IREB2: variants seen among roughly 807,000 people sequenced by gnomAD.
The protein encoded by IREB2 is iron-responsive element-binding protein 2.
A neutral mutation model predicts 118.8 loss-of-function variants in IREB2; 39 were observed. That is an observed-to-expected ratio of 0.33 (90% CI 0.25 to 0.43). IREB2 has a LOEUF of 0.43. Among genes scored for constraint, IREB2 ranks in the 20% least tolerant of loss-of-function variants. The probability of loss-of-function intolerance (pLI) is 1.00; values close to 1 mark genes in which losing one functional copy is unlikely to be tolerated. For synonymous variants in IREB2, 372 were observed against 392.2 expected, an observed-to-expected ratio of 0.95 and a Z score of 0.61; for missense variants, 900 against 1,147.3, an observed-to-expected ratio of 0.78 and a Z score of 3.11.
chr15:78,488,736 C>T lies in IREB2; in HGVS notation c.2041C>T (p.Leu681=). 6.4e-7 allele frequency: 1 copy of T among 1,552,112 alleles called. No homozygotes were observed. The highest frequency in any genetic ancestry group is 1.1e-5 in the South Asian group (1 of 89,102). Residue 681 remains leucine, a synonymous_variant, in exon 16 of 22, where the codon CTA becomes TTA. Transcript: ENST00000258886. ...VHRVEEEHVI[L]SMFKALKDKI... is the part of the protein sequence containing the mutation. ...TCGAGTAGAGGAAGAACATGTTATA[C>T]TATCCATGTTTAAAGCATTAAAAGA...
intron 10 of IREB2, among the ~76,000 whole-genome samples, chr15:78,478,875 A>G (rs1297705148): frequency 6.6e-6 from 1 of 152,192 alleles, no homozygotes; most frequent in Non-Finnish European, 1.5e-5. Context: ...ATTCTTAGAT[A>G]TTAAAAACAA....
intron 13 of IREB2, among the ~76,000 whole-genome samples, chr15:78,486,133 A>G (rs1368374241): frequency 6.6e-6 from 1 of 152,242 alleles, no homozygotes; most frequent in African/African-American, 2.4e-5. Flanking sequence ...TAACAGTTAC[A>G]GTGTAAGAAA....
chr15:78,470,546 T>C lies in IREB2; in HGVS notation c.644T>C (p.Leu215Ser). The C allele has an allele frequency of 6.3e-7, 1 of 1,595,628 alleles. No homozygotes were observed. Among genetic ancestry groups the C allele is most frequent in the African/African-American group, 1.3e-5 (1 of 74,764 alleles). The change falls in exon 6 of 22, where the codon TTA becomes TCA. Residue 215 changes from leucine (L) to serine (S), a missense_variant. Transcript: ENST00000258886. ...LQPVPEPETV[L>S]KNQEVEFGRN... Reference sequence around the variant, plus strand: ...CTTCCTTTTAGACCTGAAACAGTGTTAAAAAATCAAGAAGTAGAATTCGGC... The same window carrying C: ...CTTCCTTTTAGACCTGAAACAGTGTCAAAAAATCAAGAAGTAGAATTCGGC...
intron 13 of IREB2, 93 bp from the exon 14 acceptor site, chr15:78,487,640 T>A: frequency 1.4e-6 from 1 of 724,666 alleles, no homozygotes; most frequent in Admixed American, 2.3e-5. Flanking sequence ...TTTTAAGTAA[T>A]CTTATTACAG....
intron 18 of IREB2, among the ~76,000 whole-genome samples, chr15:78,493,158 A>G (rs897955793): frequency 5.3e-5 from 8 of 152,084 alleles, no homozygotes; most frequent in African/African-American, 1.9e-4. Flanking sequence ...GATGCAGTCA[A>G]CACAATGTGG....
chr15:78,439,982 T>C (rs2050820032), intron 2 of IREB2, 101 bp downstream of exon 2: 1 of 729,980 alleles, frequency 1.4e-6, no homozygotes. Flanking sequence ...TTCCACCGTA[T>C]TGTAACAGGT....
upstream of IREB2, chr15:78,438,210 T>C (rs889399787): frequency 4.1e-6 from 3 of 735,762 alleles, no homozygotes; most frequent in Admixed American, 2.2e-5. Flanking sequence ...CTCGCGATAT[T>C]TGCGCGAGCC....
Position 78,498,083 on chromosome 15 carries a change from G to T in IREB2, c.2832G>T (p.Val944=), listed in dbSNP as rs199836574. 72 of 1,613,166 alleles carry T rather than the reference G, an allele frequency of 4.5e-5. No homozygotes were observed. Among genetic ancestry groups the T allele is most frequent in the Non-Finnish European group, 1.1e-5 (13 of 1,179,408 alleles). ...FSVIASFEDD[V]EITLYKHGGL... ...TGATTGCTTCGTTTGAAGATGATGT[G>T]GAAATAACATTATACAAACATGGAG... Residue 944 remains valine, a synonymous_variant, in exon 22 of 22, where the codon GTG becomes GTT. Coordinates refer to ENST00000258886, the MANE Select transcript of IREB2 (RefSeq NM_004136.4).
intron 13 of IREB2, among the ~76,000 whole-genome samples, chr15:78,486,717 T>C (rs1286357772): frequency 1.3e-5 from 2 of 152,212 alleles, no homozygotes; most frequent in Non-Finnish European, 2.9e-5. Context: ...TTGCCCACAC[T>C]GGAGTGCAGT....
chr15:78,489,525 T>G (rs2051715163), intron 16 of IREB2, among the ~76,000 whole-genome samples: 1 of 152,092 alleles, frequency 6.6e-6, no homozygotes, highest in African/African-American at 2.4e-5. Context: ...TATTTTTTGG[T>G]GTTTTTTGGG....
intron 9 of IREB2, 70 bp from the exon 10 acceptor site, chr15:78,478,227 C>A: frequency 1.9e-6 from 2 of 1,056,008 alleles, no homozygotes; most frequent in Non-Finnish European, 1.5e-6. Flanking sequence ...AAGTGAAACC[C>A]TGTCTGAAAA....
Position 78,438,239 on chromosome 15 carries a change from C to T in IREB2, c.-99C>T, listed in dbSNP as rs1443713323. Reference sequence around the variant, plus strand: ...GCGAGCCTGCTTCCTTCTTTCCTCCCTTGCCAGTCCGCCTGTCTTCCTCCC... The same window carrying T: ...GCGAGCCTGCTTCCTTCTTTCCTCCTTTGCCAGTCCGCCTGTCTTCCTCCC... On this transcript the variant is annotated 5_prime_UTR_variant, in exon 1 of 22. Coordinates refer to ENST00000258886, the MANE Select transcript of IREB2 (RefSeq NM_004136.4). The T allele has an allele frequency of 1.9e-5, 18 of 934,012 alleles. No homozygotes were observed. The highest frequency in any genetic ancestry group is 1.1e-4 in the East Asian group (4 of 38,060). The allele number at this position is 934,012 out of a possible 1,614,324, so 57.9% of individuals were successfully genotyped here. A position where few individuals can be genotyped will look rare whatever the true frequency, so the allele number is the denominator to read the frequency against.
intron 10 of IREB2, among the ~76,000 whole-genome samples, chr15:78,479,265 G>T (rs1247212221): frequency 6.6e-6 from 1 of 151,770 alleles, no homozygotes; most frequent in Non-Finnish European, 1.5e-5. Flanking sequence ...TGGCTGAGGG[G>T]GTAGCTATCA....
chr15:78,463,703 T>G (rs942824790), intron 3 of IREB2, among the ~76,000 whole-genome samples: 1 of 152,176 alleles, frequency 6.6e-6, no homozygotes, highest in African/African-American at 2.4e-5. Context: ...TATTTTGAGG[T>G]AGTCTCACTC....
chr15:78,459,810 C>T (rs959148122), intron 2 of IREB2, among the ~76,000 whole-genome samples: 6 of 147,766 alleles, frequency 4.1e-5, no homozygotes, highest in African/African-American at 1.5e-4. Flanking sequence ...TAGTCTTCCT[C>T]TCCTCTTTTT....
intron 2 of IREB2, among the ~76,000 whole-genome samples, chr15:78,451,227 A>G (rs1172808050): frequency 6.6e-6 from 1 of 152,050 alleles, no homozygotes; most frequent in South Asian, 2.1e-4. Flanking sequence ...CGGCCTCCCA[A>G]AGTGCTGGGA....
chr15:78,489,732 A>G (rs184535290), intron 16 of IREB2, among the ~76,000 whole-genome samples: 11 of 152,258 alleles, frequency 7.2e-5, no homozygotes, highest in African/African-American at 2.4e-4. Flanking sequence ...GCTGGTCTCA[A>G]ACTCCTGGAC....
At chr15:78,456,896 A>G (rs777142024) in intron 2 of IREB2, among the ~76,000 whole-genome samples, 4 of 152,040 alleles carry the variant, frequency 2.6e-5, no homozygotes, top group African/African-American at 7.2e-5. Flanking sequence ...TGCCCTTCTT[A>G]TACTACTCTT....
intron 9 of IREB2, chr15:78,476,733 G>A (rs2051477894): frequency 6.5e-6 from 1 of 154,336 alleles, no homozygotes; most frequent in Admixed American, 6.5e-5. Context: ...TCAGACAAAG[G>A]GGTTTGGGGA....
Sources: allele counts gnomAD v4.1 joint callset (sites outside exome capture counted in the v4.1 genomes callset), GRCh38; gene constraint gnomAD v4.1.1; transcripts MANE v1.5; gene names NCBI Gene and HGNC (gene_info 2026-07-23, HGNC 2026-07-21).